The following FHIT variants were observed in gnomAD, a reference collection of about 807,000 sequenced individuals.
FHIT encodes the protein bis(5'-adenosyl)-triphosphatase.
Under a neutral mutation model 17.9 loss-of-function variants are expected in FHIT, and 19 were observed. The ratio of observed to expected loss-of-function variants is 1.06; its 90% CI spans 0.74 to 1.56. The LOEUF is 1.56. Ranked by LOEUF, FHIT falls within the 40% of genes most tolerant of loss-of-function variation. FHIT has a pLI of 0.00. For synonymous variants in FHIT, 81 were observed against 69.7 expected (o/e 1.16, Z -0.81); for missense variants, 248 against 189.2 (o/e 1.31, Z -1.82).
chr3:60,743,751 A>C, intron 4 of FHIT, among the ~76,000 whole-genome samples: 1 of 152,276 alleles, frequency 6.6e-6, no homozygotes, highest in African/African-American at 2.4e-5. Flanking sequence ...GCCTGGAGGA[A>C]TTAAGAGAGA....
At chr3:60,677,152 C>T (rs782145285) in intron 4 of FHIT, among the ~76,000 whole-genome samples, 6 of 152,172 alleles carry the variant, frequency 3.9e-5, no homozygotes, top group African/African-American at 7.2e-5. Context: ...GTTTGGATTA[C>T]AGGCATGAGC....
chr3:59,755,976 C>T (rs1044157915), intron 8 of FHIT, among the ~76,000 whole-genome samples: 1 of 152,090 alleles, frequency 6.6e-6, no homozygotes, highest in Non-Finnish European at 1.5e-5. Flanking sequence ...CTCAGTTTTC[C>T]CCTTTGTAAA....
chr3:59,976,999 TG>T (rs2107412383), intron 7 of FHIT, among the ~76,000 whole-genome samples: 1 of 152,194 alleles, frequency 6.6e-6, no homozygotes, highest in East Asian at 1.9e-4. Flanking sequence ...TTGGGGTCTC[TG>T]GGTGGGTGGA....
intron 5 of FHIT, among the ~76,000 whole-genome samples, chr3:60,304,273 C>T (rs1708574100): frequency 6.6e-6 from 1 of 152,068 alleles, no homozygotes; most frequent in African/African-American, 2.4e-5. Flanking sequence ...TACATTTTGG[C>T]AAGTAAATCA....
intron 4 of FHIT, among the ~76,000 whole-genome samples, chr3:60,769,084 G>A (rs1016329238): frequency 3.3e-5 from 5 of 152,058 alleles, no homozygotes; most frequent in African/African-American, 9.7e-5. Context: ...CATTTTATAT[G>A]TACATATATT....
intron 5 of FHIT, among the ~76,000 whole-genome samples, chr3:60,493,617 T>C (rs1336850238): frequency 6.6e-6 from 1 of 152,180 alleles, no homozygotes; most frequent in Non-Finnish European, 1.5e-5. Context: ...CTCTATTTTA[T>C]TGCCATTTCC....
At chr3:60,701,490 G>C (rs1397450686) in intron 4 of FHIT, among the ~76,000 whole-genome samples, 1 of 152,092 alleles carries the variant, frequency 6.6e-6, no homozygotes, top group Non-Finnish European at 1.5e-5. Flanking sequence ...AAAGGGGGGA[G>C]TGCTGATTGG....
chr3:60,910,654 C>T (rs1354775513), intron 3 of FHIT, among the ~76,000 whole-genome samples: 7 of 152,146 alleles, frequency 4.6e-5, no homozygotes, highest in Admixed American at 1.3e-4. Context: ...CCTCATGATC[C>T]GCCGGCCTTG....
chr3:60,730,493 G>T, intron 4 of FHIT: 1 of 196,958 alleles, frequency 5.1e-6, no homozygotes, highest in Middle Eastern at 7.7e-4. Context: ...TTGATGCCCA[G>T]GAAGCCACCT....
At chr3:60,607,726 A>C (rs899606956) in intron 4 of FHIT, among the ~76,000 whole-genome samples, 1 of 152,016 alleles carries the variant, frequency 6.6e-6, no homozygotes, top group South Asian at 2.1e-4. Flanking sequence ...TTTTGTACTA[A>C]TTTCACTAAT....
chr3:60,236,402 C>T (rs1450812710), intron 5 of FHIT, among the ~76,000 whole-genome samples: 1 of 151,700 alleles, frequency 6.6e-6, no homozygotes, highest in Non-Finnish European at 1.5e-5. Flanking sequence ...AGCAAGCCAA[C>T]AGCACCCTTC....
chr3:59,880,794 C>T (rs940454238), intron 8 of FHIT, among the ~76,000 whole-genome samples: 7 of 152,246 alleles, frequency 4.6e-5, no homozygotes, highest in East Asian at 3.9e-4. Flanking sequence ...TGATTATAGA[C>T]GTTAGATCAA....
chr3:60,013,388 A>G (rs190691798), intron 6 of FHIT, among the ~76,000 whole-genome samples: 2 of 152,296 alleles, frequency 1.3e-5, no homozygotes, highest in East Asian at 3.9e-4. Flanking sequence ...GAAGGAGCTC[A>G]TGGTATGTTA....
chr3:60,928,996 A>G (rs1553770887), intron 3 of FHIT, among the ~76,000 whole-genome samples: 1 of 152,200 alleles, frequency 6.6e-6, no homozygotes, highest in African/African-American at 2.4e-5. Context: ...ATCCAGCAGC[A>G]CATCAAAAAG....
intron 5 of FHIT, among the ~76,000 whole-genome samples, chr3:60,041,507 T>C (rs1701438890): frequency 6.6e-6 from 1 of 152,204 alleles, no homozygotes; most frequent in Non-Finnish European, 1.5e-5. Flanking sequence ...CACACACTTG[T>C]TTACCATTAG....
At chr3:60,265,498 A>G (rs1403534689) in intron 5 of FHIT, among the ~76,000 whole-genome samples, 2 of 152,012 alleles carry the variant, frequency 1.3e-5, no homozygotes, top group Non-Finnish European at 2.9e-5. Context: ...ATGAGTACGG[A>G]TTACACAGGG....
intron 3 of FHIT, among the ~76,000 whole-genome samples, chr3:60,990,123 G>A (rs1398753999): frequency 1.3e-5 from 2 of 152,158 alleles, no homozygotes; most frequent in Non-Finnish European, 1.5e-5. Context: ...TGCCTGGCAT[G>A]CAAGATTCTA....
At chr3:60,450,000 A>G (rs1369232566) in intron 5 of FHIT, among the ~76,000 whole-genome samples, 1 of 49,760 alleles carries the variant, frequency 2.0e-5, no homozygotes, top group Non-Finnish European at 3.5e-5. Flanking sequence ...AGACTCTGTC[A>G]AAAAAAAAAA....
At chr3:61,023,076 G>C (rs2032540559) in intron 3 of FHIT, among the ~76,000 whole-genome samples, 1 of 152,128 alleles carries the variant, frequency 6.6e-6, no homozygotes, top group Non-Finnish European at 1.5e-5. Context: ...GATGAAATGA[G>C]TGCATATCTA....
Sources: gnomAD v4.1 joint callset for allele counts (sites outside exome capture counted in the v4.1 genomes callset) on GRCh38, gnomAD v4.1.1 for gene constraint, MANE v1.5 for transcripts, NCBI Gene and HGNC (gene_info 2026-07-23, HGNC 2026-07-21) for gene names.